The following PHACTR2 variants were observed in gnomAD, a reference collection of about 807,000 sequenced individuals.
The protein encoded by PHACTR2 is chromosome 6 open reading frame 56.
Under a neutral mutation model 76.0 loss-of-function variants are expected in PHACTR2, and 30 were observed. That is an observed-to-expected ratio of 0.39 (90% CI 0.30 to 0.54). The LOEUF (loss-of-function observed/expected upper bound fraction) is 0.54, where lower values mean the gene tolerates loss of function less well. Ranked by LOEUF, PHACTR2 falls within the 20% of genes least tolerant of loss-of-function variation. The probability of loss-of-function intolerance (pLI) is 0.61; values close to 1 mark genes in which losing one functional copy is unlikely to be tolerated. For synonymous variants in PHACTR2, 292 were observed against 292.5 expected, an observed-to-expected ratio of 1.00 and a Z score of 0.02; for missense variants, 696 against 781.1, an observed-to-expected ratio of 0.89 and a Z score of 1.30.
At chr6:143,724,633 A>T (rs1778518031) in intron 2 of PHACTR2, among the ~76,000 whole-genome samples, 7 of 152,188 alleles carry the variant, frequency 4.6e-5, no homozygotes, top group Admixed American at 4.6e-4. Context: ...ATGGGGTGTC[A>T]GGGTTACCTT....
rs1360577143 is a variant in PHACTR2, at chr6:143,694,492, A to G, written c.46+16283A>G. On this transcript the variant is annotated intron_variant, in intron 1 of 12. Coordinates refer to ENST00000440869, the MANE Select transcript of PHACTR2 (RefSeq NM_001100164.2). ...ATCTTCTTTGAGGGCCCTGAATGTG[A>G]AGCCCTGTATTTGGAGAAATGTTTT... Among the ~76,000 whole-genome samples the G allele has an allele frequency of 3.3e-5, 5 of 152,120 alleles. No individual in the cohort carries two copies. The South Asian group carries it at 1.0e-3, about 32-fold the overall frequency.
At chr6:143,565,666 G>A (rs1775354001) in intron 1 of PHACTR2, among the ~76,000 whole-genome samples, 1 of 151,968 alleles carries the variant, frequency 6.6e-6, no homozygotes, top group Non-Finnish European at 1.5e-5. Context: ...GCATTAGGTG[G>A]GCAGAGGCAG....
rs546393191 is a variant in PHACTR2, at chr6:143,806,571, C to T, written c.1846-486C>T. Among the ~76,000 whole-genome samples the T allele has an allele frequency of 6.6e-6, 1 of 152,292 alleles. No homozygotes were observed. The highest frequency in any genetic ancestry group is 1.9e-4 in the East Asian group (1 of 5,188). ...CAAGGATGAGTTTAGCAAAGGCCCGCTCCCACTCCCTCTTGCCAATGGCAC... is the reference window on the plus strand; with the variant it reads ...CAAGGATGAGTTTAGCAAAGGCCCGTTCCCACTCCCTCTTGCCAATGGCAC... On this transcript the variant is annotated intron_variant, in intron 11 of 12. Transcript: ENST00000440869. This position sits in a 1 kb window ranked among gnomAD's most constrained non-coding sequence, Gnocchi z 5.8.
rs1776798157 is a variant in PHACTR2, at chr6:143,653,472, T to G, written c.13+45150T>G. On this transcript the variant is annotated intron_variant, in intron 1 of 11. Transcript: ENST00000305766. The surrounding 1 kb of genome is among the most constrained non-coding windows in gnomAD (Gnocchi z 4.9). ...ACAGTTTACTAATGGCCTGAAAGAA[T>G]TCATTGCAGCTTCCCACATGCAAAG... Among the ~76,000 whole-genome samples the G allele has an allele frequency of 6.6e-6, 1 of 152,122 alleles. No homozygotes were observed. Among genetic ancestry groups the G allele is most frequent in the Non-Finnish European group, 1.5e-5 (1 of 68,024 alleles).
intron 6 of PHACTR2, among the ~76,000 whole-genome samples, chr6:143,771,320 C>G (rs374833545): frequency 6.2e-5 from 9 of 145,622 alleles, no homozygotes; most frequent in East Asian, 3.9e-4. Flanking sequence ...ACTGCAGTCT[C>G]GATTTCCCAG....
rs149291705 is a variant in PHACTR2, at chr6:143,776,119, C to CA, written c.1590-1201dup. On this transcript the variant is annotated intron_variant, in intron 8 of 12. Coordinates refer to ENST00000440869, the MANE Select transcript of PHACTR2 (RefSeq NM_001100164.2). The surrounding 1 kb of genome is among the most constrained non-coding windows in gnomAD (Gnocchi z 5.3). ...TGGGCAACAGAGTGAGACTCCATCTCAAAAAAAATGTAAAAATAAATTTAA... is the reference window on the plus strand; with the variant it reads ...TGGGCAACAGAGTGAGACTCCATCTCAAAAAAAAATGTAAAAATAAATTTAA... 6.6e-6 allele frequency among the ~76,000 whole-genome samples: 1 copy of CA among 151,260 alleles called. No individual in the cohort carries two copies. The highest frequency in any genetic ancestry group is 1.5e-5 in the Non-Finnish European group (1 of 67,838).
In PHACTR2 at chr6:143,680,905, A is replaced by G. The variant is rs1347192780; in HGVS notation, c.46+2696A>G. Among the ~76,000 whole-genome samples, 1 of 152,192 alleles carries G rather than the reference A, an allele frequency of 6.6e-6. No homozygotes were observed. The highest frequency in any genetic ancestry group is 1.5e-5 in the Non-Finnish European group (1 of 68,024). On this transcript the variant is annotated intron_variant, in intron 1 of 12. Coordinates refer to ENST00000440869, the MANE Select transcript of PHACTR2 (RefSeq NM_001100164.2). The surrounding 1 kb of genome is among the most constrained non-coding windows in gnomAD (Gnocchi z 4.5). ...TCTTTCAGTTAGCATAATGTTTTCA[A>G]GGGTCATCCATGTTGTAGCATGTAT...
In PHACTR2 at chr6:143,591,169, C is replaced by T. The variant is rs1368804826; in HGVS notation, c.217+53962C>T. On this transcript the variant is annotated intron_variant, in intron 1 of 11. Transcript: ENST00000367584. This position sits in a 1 kb window ranked among gnomAD's most constrained non-coding sequence, Gnocchi z 6.4. The stretch of plus-strand genomic sequence containing the variant: ...CCCATCAGCCAAGACATTCCACGTT[C>T]ATTTGCTTGGGAATACGTGACAGAG... Among the ~76,000 whole-genome samples the T allele has an allele frequency of 6.6e-6, 1 of 152,112 alleles. No individual in the cohort carries two copies. The highest frequency in any genetic ancestry group is 1.5e-5 in the Non-Finnish European group (1 of 68,022).
intron 1 of PHACTR2, among the ~76,000 whole-genome samples, chr6:143,631,128 A>G (rs896236482): frequency 3.3e-5 from 5 of 152,202 alleles, no homozygotes; most frequent in Admixed American, 1.3e-4. Flanking sequence ...CTAACATGCC[A>G]TATGTTACAT....
Position 143,664,809 on chromosome 6 carries a change from A to G in PHACTR2, c.14-47207A>G, listed in dbSNP as rs950071197. 7.9e-5 allele frequency among the ~76,000 whole-genome samples: 12 copies of G among 151,328 alleles called. No individual in the cohort carries two copies. Among genetic ancestry groups the G allele is most frequent in the African/African-American group, 2.9e-4 (12 of 41,112 alleles). On this transcript the variant is annotated intron_variant, in intron 1 of 11. Transcript: ENST00000305766. This position sits in a 1 kb window ranked among gnomAD's most constrained non-coding sequence, Gnocchi z 5.1. ...TTTATTTTTATTTTATTTTATTATTATTATTTTGAGACACTGTCTTGCTCT... is the reference window on the plus strand; with the variant it reads ...TTTATTTTTATTTTATTTTATTATTGTTATTTTGAGACACTGTCTTGCTCT...
intron 1 of PHACTR2, among the ~76,000 whole-genome samples, chr6:143,655,156 TCA>T (rs1776827101): frequency 7.5e-5 from 4 of 53,254 alleles, no homozygotes; most frequent in South Asian, 1.4e-3. Flanking sequence ...AAACTCCGTC[TCA>T]AAAAAAAAAA....
At position 143,811,001 on chromosome 6, in the gene PHACTR2, T is replaced by G. The variant is rs926055039; in HGVS notation, c.1922+3868T>G. ...ACTTTTTAATGGTATTTTGTTTAAA[T>G]TTTTGTATATTCAAATCTATCTGTA... is the stretch of plus-strand genomic sequence containing the variant. On this transcript the variant is annotated intron_variant, in intron 12 of 12. Transcript: ENST00000440869. This position sits in a 1 kb window ranked among gnomAD's most constrained non-coding sequence, Gnocchi z 4.1. 2.0e-5 allele frequency among the ~76,000 whole-genome samples: 3 copies of G among 152,254 alleles called. No homozygotes were observed. The highest frequency in any genetic ancestry group is 6.5e-5 in the Admixed American group (1 of 15,282).
At chr6:143,566,593 T>A (rs1775366437) in intron 1 of PHACTR2, among the ~76,000 whole-genome samples, 1 of 152,170 alleles carries the variant, frequency 6.6e-6, no homozygotes, top group African/African-American at 2.4e-5. Flanking sequence ...TGTGAGCCAC[T>A]GTGTCCAGCC....
Position 143,547,133 on chromosome 6 carries a change from T to C in PHACTR2, c.217+9926T>C, listed in dbSNP as rs1210784506. Among the ~76,000 whole-genome samples the C allele has an allele frequency of 6.6e-6, 1 of 152,184 alleles. No homozygotes were observed. The highest frequency in any genetic ancestry group is 2.4e-5 in the African/African-American group (1 of 41,450). On this transcript the variant is annotated intron_variant, in intron 1 of 11. Transcript: ENST00000367584. The surrounding 1 kb of genome is among the most constrained non-coding windows in gnomAD (Gnocchi z 4.2). ...TTAGAGTTGTCATATTGGAAGAGTA[T>C]GTACTCATTCCCATTATAATCTTAT...
rs982911688 is a variant in PHACTR2, at chr6:143,829,555, A to G, written c.*5866A>G. 1 of 152,218 alleles carries G rather than the reference A, an allele frequency of 6.6e-6. No homozygotes were observed. The highest frequency in any genetic ancestry group is 1.5e-5 in the Non-Finnish European group (1 of 68,028). 9.4% of individuals were successfully genotyped at this position (152,218 alleles called of 1,614,324 possible). On this transcript the variant is annotated 3_prime_UTR_variant, in exon 13 of 13. Coordinates refer to ENST00000440869, the MANE Select transcript of PHACTR2 (RefSeq NM_001100164.2). ...ACTGTGGGTTGCATGCCTGTTGTTC[A>G]TACTTCAGTGATGGTCACACACAAA...
At chr6:143,771,131 C>CATATATATATATGT (rs776628277) in intron 6 of PHACTR2, among the ~76,000 whole-genome samples, 2 of 71,228 alleles carry the variant, frequency 2.8e-5, no homozygotes, top group Non-Finnish European at 5.4e-5. Context: ...ATGTACTTTA[C>CATATATATATATGT]ATATATATAT....
rs1013475717 is a variant in PHACTR2 at position 143,700,569 on chromosome 6, A to AG, written c.47-11440dup. 7.9e-5 allele frequency among the ~76,000 whole-genome samples: 12 copies of AG among 152,030 alleles called. No individual in the cohort carries two copies. The highest frequency in any genetic ancestry group is 2.2e-4 in the African/African-American group (9 of 41,470). ...ACTCCATTGATTGGGGGCAGTGGGG[A>AG]GGGGGGGCGAGAGGAGAACTGTGAT... On this transcript the variant is annotated intron_variant, in intron 1 of 12. Transcript: ENST00000440869. This position sits in a 1 kb window ranked among gnomAD's most constrained non-coding sequence, Gnocchi z 4.1.
Position 143,782,245 on chromosome 6 carries a change from AAAAT to A in PHACTR2, c.1646-966_1646-963del, listed in dbSNP as rs1452963412. Among the ~76,000 whole-genome samples the A allele has an allele frequency of 6.6e-6, 1 of 152,196 alleles. No individual in the cohort carries two copies. Among genetic ancestry groups the A allele is most frequent in the Non-Finnish European group, 1.5e-5 (1 of 68,034 alleles). ...CGTTTCAAAAAATAAAATAAAAATAAAAATAAATAAACAAATAGAAGAAGTTTTC... is the reference window on the plus strand; with the variant it reads ...CGTTTCAAAAAATAAAATAAAAATAAAAATAAACAAATAGAAGAAGTTTTC... On this transcript the variant is annotated intron_variant, in intron 9 of 12. Transcript: ENST00000440869. The surrounding 1 kb of genome is among the most constrained non-coding windows in gnomAD (Gnocchi z 4.6).
rs1777445975 is a variant in PHACTR2 at position 143,683,503 on chromosome 6, T to G, written c.46+5294T>G. On this transcript the variant is annotated intron_variant, in intron 1 of 12. Transcript: ENST00000440869. This position sits in a 1 kb window ranked among gnomAD's most constrained non-coding sequence, Gnocchi z 4.1. ...GCACTTGGCTGCTTCTCCTCAATCCTTGGGTTGAAAGGGCAGACAATGCCA... is the reference window on the plus strand; with the variant it reads ...GCACTTGGCTGCTTCTCCTCAATCCGTGGGTTGAAAGGGCAGACAATGCCA... 6.6e-6 allele frequency among the ~76,000 whole-genome samples: 1 copy of G among 152,190 alleles called. No homozygotes were observed. The highest frequency in any genetic ancestry group is 1.5e-5 in the Non-Finnish European group (1 of 68,038).
Sources: gnomAD v4.1 joint callset for allele counts (sites outside exome capture counted in the v4.1 genomes callset) on GRCh38, gnomAD v4.1.1 for gene constraint, Gnocchi (gnomAD v3.1) non-coding constraint, MANE v1.5 for transcripts, NCBI Gene and HGNC (gene_info 2026-07-23, HGNC 2026-07-21) for gene names.